NEGR1: variants seen among roughly 807,000 people sequenced by gnomAD.
NEGR1 encodes the protein IgLON family member 4.
In NEGR1, 10 loss-of-function variants were observed where a neutral mutation model predicts 40.9. That is an observed-to-expected ratio of 0.24 (90% confidence interval 0.15 to 0.42). The LOEUF (loss-of-function observed/expected upper bound fraction) is 0.42, where lower values mean the gene tolerates loss of function less well. Among genes scored for constraint, NEGR1 ranks in the 10% least tolerant of loss-of-function variants. The pLI, the probability that NEGR1 is intolerant of heterozygous loss-of-function variation, is 1.00. For missense variants in NEGR1, 352 were observed against 438.9 expected (o/e 0.80, Z 1.77); for synonymous variants, 185 against 166.8 (o/e 1.11, Z -0.84).
chr1:71,433,912 T>A (rs567599838), intron 6 of NEGR1, among the ~76,000 whole-genome samples: 1 of 152,234 alleles, frequency 6.6e-6, no homozygotes, highest in Non-Finnish European at 1.5e-5. Flanking sequence ...ATTGGGAATA[T>A]GTTTTACCAA....
Position 71,737,857 on chromosome 1 carries a change from G to T in NEGR1, c.535+38315C>A, listed in dbSNP as rs140127177. 6.4e-3 allele frequency among the ~76,000 whole-genome samples: 967 copies of T among 152,210 alleles called. 9 individuals are homozygous for T. The Middle Eastern group carries it at 0.071, about 11-fold the overall frequency. On this transcript the variant is annotated intron_variant, in intron 3 of 6. Transcript: ENST00000357731. Reference sequence around the variant, plus strand: ...CAGGTAATGCCCCCTCTTTCTTTGTGACCCAATTTTAGGATCTCTCTGGCT... The same window carrying T: ...CAGGTAATGCCCCCTCTTTCTTTGTTACCCAATTTTAGGATCTCTCTGGCT...
intron 1 of NEGR1, among the ~76,000 whole-genome samples, chr1:72,076,010 C>T (rs1427950351): frequency 1.3e-5 from 2 of 152,072 alleles, no homozygotes; most frequent in Non-Finnish European, 2.9e-5. Flanking sequence ...GACTGTTATA[C>T]AAATCAAACC....
chr1:71,813,096 G>A (rs1246613370), intron 2 of NEGR1, among the ~76,000 whole-genome samples: 2 of 151,946 alleles, frequency 1.3e-5, no homozygotes, highest in African/African-American at 4.8e-5. Context: ...TCCATCTTGA[G>A]TCAATTTTTT....
chr1:72,101,989 T>G (rs141174767), intron 1 of NEGR1, among the ~76,000 whole-genome samples: 4 of 152,230 alleles, frequency 2.6e-5, no homozygotes, highest in African/African-American at 9.6e-5. Context: ...TCTGCCCATC[T>G]ATTTTCTCAT....
Position 71,931,745 on chromosome 1 carries a change from G to A in NEGR1, c.409+3334C>T, listed in dbSNP as rs1570521634. 3.3e-5 allele frequency among the ~76,000 whole-genome samples: 5 copies of A among 152,154 alleles called. No homozygotes were observed. In the South Asian group the frequency reaches 1.0e-3, roughly 32 times the overall value. On this transcript the variant is annotated intron_variant, in intron 2 of 6. Coordinates refer to ENST00000357731, the MANE Select transcript of NEGR1 (RefSeq NM_173808.3). ...ATTAATTTTCCAACACATGAACTTT[G>A]GGGGACACATTCTAACCATAGCACA... is the stretch of plus-strand genomic sequence containing the variant.
At chr1:71,837,447 T>G (rs1439086316) in intron 2 of NEGR1, among the ~76,000 whole-genome samples, 1 of 152,106 alleles carries the variant, frequency 6.6e-6, no homozygotes, top group Non-Finnish European at 1.5e-5. Flanking sequence ...AACACTGACA[T>G]GGTATTTCTC....
chr1:72,247,339 CT>C (rs1339571219), intron 1 of NEGR1, among the ~76,000 whole-genome samples: 1 of 152,164 alleles, frequency 6.6e-6, no homozygotes, highest in Non-Finnish European at 1.5e-5. Flanking sequence ...TTATGCTTTG[CT>C]TTCTGTTTAA....
At chr1:71,751,796 T>C (rs141085157) in intron 3 of NEGR1, among the ~76,000 whole-genome samples, 1 of 152,234 alleles carries the variant, frequency 6.6e-6, no homozygotes, top group East Asian at 1.9e-4. Flanking sequence ...AGAAGACACA[T>C]TTTCTCCATC....
chr1:71,780,147 T>G (rs1656661533), intron 2 of NEGR1, among the ~76,000 whole-genome samples: 4 of 150,468 alleles, frequency 2.7e-5, no homozygotes, highest in Admixed American at 2.6e-4. Flanking sequence ...TATTTCAGAC[T>G]CCCTCACATC....
intron 1 of NEGR1, among the ~76,000 whole-genome samples, chr1:72,053,664 T>C (rs1198616604): frequency 1.3e-5 from 2 of 151,214 alleles, no homozygotes; most frequent in African/African-American, 4.8e-5. Context: ...CTCAGCCAAA[T>C]TATATCTATA....
At chr1:71,918,845 A>G (rs1481051427) in intron 2 of NEGR1, among the ~76,000 whole-genome samples, 4 of 152,178 alleles carry the variant, frequency 2.6e-5, no homozygotes, top group Non-Finnish European at 5.9e-5. Context: ...AACAGATTGT[A>G]TAACCAGCAA....
At chr1:72,034,692 G>A (rs10493492) in intron 1 of NEGR1, among the ~76,000 whole-genome samples, 14,488 of 152,190 alleles carry the variant, frequency 0.095, 778 homozygotes, top group Middle Eastern at 0.18. Context: ...CCTTATTGCA[G>A]AGTGAACAGT....
intron 1 of NEGR1, among the ~76,000 whole-genome samples, chr1:72,132,379 T>C (rs1650293021): frequency 6.6e-6 from 1 of 152,198 alleles, no homozygotes; most frequent in South Asian, 2.1e-4. Flanking sequence ...TTCTAACAAG[T>C]TCAGGAGGAG....
chr1:72,128,140 A>G (rs1030005709), intron 1 of NEGR1, among the ~76,000 whole-genome samples: 6 of 152,324 alleles, frequency 3.9e-5, no homozygotes, highest in Non-Finnish European at 5.9e-5. Context: ...CACAGTAAGT[A>G]AAGCATGAAA....
At chr1:71,608,581 C>A (rs994499676) in intron 5 of NEGR1, among the ~76,000 whole-genome samples, 2 of 147,086 alleles carry the variant, frequency 1.4e-5, no homozygotes, top group Non-Finnish European at 3.0e-5. Context: ...CATTGCTTCA[C>A]AAAATATTGG....
intron 2 of NEGR1, among the ~76,000 whole-genome samples, chr1:71,894,573 C>G (rs537777414): frequency 6.6e-6 from 1 of 152,304 alleles, no homozygotes; most frequent in African/African-American, 2.4e-5. Context: ...AGTTAAGTAA[C>G]TATTAAAATA....
chr1:71,432,601 A>G (rs1435110520), intron 6 of NEGR1, among the ~76,000 whole-genome samples: 1 of 152,218 alleles, frequency 6.6e-6, no homozygotes, highest in Non-Finnish European at 1.5e-5. Flanking sequence ...ATTATCCACT[A>G]AAGGAACGAA....
intron 6 of NEGR1, among the ~76,000 whole-genome samples, chr1:71,445,299 CTT>C (rs67225048): frequency 1.8e-3 from 241 of 132,874 alleles, no homozygotes; most frequent in East Asian, 9.7e-3. Flanking sequence ...AAGCTCAATG[CTT>C]TTTTTTTTAA....
At chr1:71,961,025 T>C (rs1205859257) in intron 1 of NEGR1, among the ~76,000 whole-genome samples, 1 of 152,190 alleles carries the variant, frequency 6.6e-6, no homozygotes, top group African/African-American at 2.4e-5. Context: ...TAAATTATTA[T>C]AGCAACTACG....
Sources: gnomAD v4.1 joint callset for allele counts (sites outside exome capture counted in the v4.1 genomes callset) on GRCh38, gnomAD v4.1.1 for gene constraint, MANE v1.5 for transcripts, NCBI Gene and HGNC (gene_info 2026-07-23, HGNC 2026-07-21) for gene names.